GABRA2: variants seen among roughly 807,000 people sequenced by gnomAD.
The protein encoded by GABRA2 is gamma-aminobutyric acid receptor subunit alpha-2.
GABRA2 carries 16 observed loss-of-function variants against 48.7 expected under a neutral mutation model. The observed-to-expected ratio is 0.33, with a 90% CI of 0.22 to 0.50. GABRA2 has a LOEUF of 0.50. GABRA2 is among the 20% of genes least tolerant of loss of function. The pLI is 0.98. For synonymous variants in GABRA2, 185 were observed against 184.5 expected (o/e 1.00, Z -0.02); for missense variants, 275 against 535.6 (o/e 0.51, Z 4.80).
intron 3 of GABRA2, among the ~76,000 whole-genome samples, chr4:46,354,307 A>G (rs1735633601): frequency 6.6e-6 from 1 of 152,166 alleles, no homozygotes; most frequent in African/African-American, 2.4e-5. Context: ...TTGTTTTACT[A>G]CACAGTTCTG....
At chr4:46,262,529 T>C (rs1717189325) in intron 8 of GABRA2, among the ~76,000 whole-genome samples, 2 of 152,138 alleles carry the variant, frequency 1.3e-5, no homozygotes, top group Non-Finnish European at 2.9e-5. Flanking sequence ...CATTAATTTG[T>C]TCATCATTTA....
intron 8 of GABRA2, among the ~76,000 whole-genome samples, chr4:46,294,805 C>T (rs1157787146): frequency 6.6e-6 from 1 of 152,078 alleles, no homozygotes; most frequent in African/African-American, 2.4e-5. Context: ...CATGAACATT[C>T]GACTATGGGT....
chr4:46,327,612 A>C (rs111987414), intron 4 of GABRA2, among the ~76,000 whole-genome samples: 8 of 152,172 alleles, frequency 5.3e-5, no homozygotes, highest in Admixed American at 3.3e-4. Context: ...GATTAAGTTC[A>C]GTGTCAATTT....
intron 3 of GABRA2, among the ~76,000 whole-genome samples, chr4:46,351,339 T>A (rs183969314): frequency 5.6e-4 from 85 of 152,114 alleles, no homozygotes; most frequent in African/African-American, 2.0e-3. Context: ...AGATAACTAT[T>A]AAATTAAGCT....
intron 3 of GABRA2, among the ~76,000 whole-genome samples, chr4:46,341,605 G>A (rs1004063835): frequency 6.6e-5 from 10 of 152,032 alleles, no homozygotes; most frequent in South Asian, 2.1e-4. Context: ...TGGGGTGAAA[G>A]GATTAGGGGG....
At chr4:46,334,932 G>C (rs1731954893) in intron 3 of GABRA2, among the ~76,000 whole-genome samples, 1 of 152,138 alleles carries the variant, frequency 6.6e-6, no homozygotes, top group Non-Finnish European at 1.5e-5. Flanking sequence ...TCTGGGAAAG[G>C]TATTCTTAAC....
At chr4:46,374,677 T>A (rs1715418106) in intron 3 of GABRA2, among the ~76,000 whole-genome samples, 1 of 152,090 alleles carries the variant, frequency 6.6e-6, no homozygotes, top group East Asian at 1.9e-4. Context: ...CACCAAACAT[T>A]TGAAAATATT....
Position 46,390,067 on chromosome 4 carries a change from T to A in GABRA2, c.-343A>T. ...CAGGAGCTGGGGCCGGGGGGGGAAA[T>A]TGGGGGGACGCGGGCGGAGGCGCGG... is the stretch of plus-strand genomic sequence containing the variant. On this transcript the variant is annotated 5_prime_UTR_variant, in exon 1 of 10. Transcript: ENST00000381620. 1 of 127,034 alleles carries A rather than the reference T, an allele frequency of 7.9e-6. No homozygotes were observed. The highest frequency in any genetic ancestry group is 1.1e-5 in the Non-Finnish European group (1 of 89,644). 7.9% of individuals were successfully genotyped at this position (127,034 alleles called of 1,614,324 possible). A position where few individuals can be genotyped will look rare whatever the true frequency, so the allele number is the denominator to read the frequency against.
chr4:46,271,955 T>C (rs1443410770), intron 8 of GABRA2, among the ~76,000 whole-genome samples: 1 of 151,888 alleles, frequency 6.6e-6, no homozygotes, highest in East Asian at 2.0e-4. Context: ...CACTGTCCCT[T>C]GTTTACCTGT....
chr4:46,389,419 C>A (rs201743121), intron 1 of GABRA2: 3 of 985,234 alleles, frequency 3.0e-6, no homozygotes, highest in Non-Finnish European at 3.6e-6. Context: ...TAAGAGAAGG[C>A]GCGTGAGGCT....
At chr4:46,348,249 G>T (rs898596811) in intron 3 of GABRA2, among the ~76,000 whole-genome samples, 8 of 152,092 alleles carry the variant, frequency 5.3e-5, no homozygotes, top group Non-Finnish European at 1.0e-4. Context: ...CAGTTAGAAT[G>T]GCAGTCATTA....
At chr4:46,328,035 C>A (rs149631765) in intron 4 of GABRA2, among the ~76,000 whole-genome samples, 12 of 151,494 alleles carry the variant, frequency 7.9e-5, no homozygotes, top group African/African-American at 2.4e-4. Context: ...ATATAGAAAC[C>A]AAGGAAAAAG....
intron 3 of GABRA2, among the ~76,000 whole-genome samples, chr4:46,382,147 G>T (rs999883345): frequency 3.4e-5 from 5 of 149,050 alleles, no homozygotes; most frequent in Non-Finnish European, 5.9e-5. Context: ...TGCAATTAAT[G>T]GTAATAAATT....
chr4:46,289,675 C>T (rs1490693124), intron 8 of GABRA2, among the ~76,000 whole-genome samples: 1 of 152,098 alleles, frequency 6.6e-6, no homozygotes, highest in Non-Finnish European at 1.5e-5. Context: ...GTATAACACA[C>T]CTGCACTATT....
chr4:46,277,726 C>A (rs1257083969), intron 8 of GABRA2, among the ~76,000 whole-genome samples: 3 of 152,028 alleles, frequency 2.0e-5, no homozygotes, highest in African/African-American at 7.2e-5. Context: ...CCACAGGGAC[C>A]GGGCAGGAAA....
chr4:46,254,824 A>C (rs1715486339), intron 9 of GABRA2, among the ~76,000 whole-genome samples: 1 of 151,536 alleles, frequency 6.6e-6, no homozygotes, highest in South Asian at 2.1e-4. Context: ...AAATGTCCAG[A>C]AGTGCACTCA....
chr4:46,354,935 C>A (rs1442059), intron 3 of GABRA2, among the ~76,000 whole-genome samples: 7,643 of 152,024 alleles, frequency 0.05, 661 homozygotes, highest in African/African-American at 0.17. Context: ...ACCTGTGTCT[C>A]AGATTATAAA....
chr4:46,362,225 G>T (rs1280961310), intron 3 of GABRA2, among the ~76,000 whole-genome samples: 1 of 152,044 alleles, frequency 6.6e-6, no homozygotes, highest in African/African-American at 2.4e-5. Context: ...CATGAGGGTA[G>T]GTCTTTCCCA....
At chr4:46,321,169 AAG>A (rs1729383250) in intron 4 of GABRA2, among the ~76,000 whole-genome samples, 1 of 151,940 alleles carries the variant, frequency 6.6e-6, no homozygotes, top group African/African-American at 2.4e-5. Flanking sequence ...GGAAAAAAGG[AAG>A]AGAGAAAGGT....
Sources: allele counts gnomAD v4.1 joint callset (sites outside exome capture counted in the v4.1 genomes callset), GRCh38; gene constraint gnomAD v4.1.1; transcripts MANE v1.5; gene names NCBI Gene and HGNC (gene_info 2026-07-23, HGNC 2026-07-21).